The following DOCK2 variants were observed in gnomAD, a reference collection of about 807,000 sequenced individuals.
DOCK2 encodes dedicator of cytokinesis protein 2.
In DOCK2, 87 loss-of-function variants were observed where a neutral mutation model predicts 248.9. The observed-to-expected ratio is 0.35, with a 90% CI of 0.29 to 0.42. The LOEUF is 0.42. Ranked by LOEUF, DOCK2 falls within the 10% of genes least tolerant of loss-of-function variation. The pLI is 1.00. For missense variants in DOCK2, 1,747 were observed against 2,300.2 expected, an observed-to-expected ratio of 0.76 and a Z score of 4.92; for synonymous variants, 805 against 821.6, an observed-to-expected ratio of 0.98 and a Z score of 0.35.
In DOCK2 at chr5:169,939,803, T is replaced by TA. The variant is rs78337958; in HGVS notation, c.2800-43258dup. 7.9e-3 allele frequency among the ~76,000 whole-genome samples: 1,210 copies of TA among 152,222 alleles called. 59 individuals are homozygous for TA. The East Asian group carries it at 0.13, about 17-fold the overall frequency. ...AGGTCCCTAAAAAATATAAGAAAGG[T>TA]AAAAAAAGTCAACCTAGAGTTAGCT... On this transcript the variant is annotated intron_variant, in intron 27 of 51. Transcript: ENST00000520908.
At chr5:169,795,441 A>T (rs1766588722) in intron 25 of DOCK2, among the ~76,000 whole-genome samples, 1 of 152,126 alleles carries the variant, frequency 6.6e-6, no homozygotes, top group Non-Finnish European at 1.5e-5. Context: ...GCTGCAGGTG[A>T]TGATTCTGGG....
chr5:169,939,966 A>G (rs959213499), intron 27 of DOCK2, among the ~76,000 whole-genome samples: 1 of 152,216 alleles, frequency 6.6e-6, no homozygotes, highest in Non-Finnish European at 1.5e-5. Flanking sequence ...GCTTAAGGAT[A>G]GTTGGCTATG....
chr5:170,031,042 C>T (rs1216021035), intron 34 of DOCK2, among the ~76,000 whole-genome samples: 1 of 152,238 alleles, frequency 6.6e-6, no homozygotes, highest in Admixed American at 6.5e-5. Context: ...TCCAGTTCTC[C>T]CTACCCTCAG....
At chr5:169,830,668 A>G (rs781778002) in intron 26 of DOCK2, among the ~76,000 whole-genome samples, 1 of 152,236 alleles carries the variant, frequency 6.6e-6, no homozygotes, top group Non-Finnish European at 1.5e-5. Context: ...AGGTTTCACT[A>G]CATTTTAATA....
intron 34 of DOCK2, among the ~76,000 whole-genome samples, chr5:170,029,436 C>T (rs955316226): frequency 6.6e-6 from 1 of 152,176 alleles, no homozygotes; most frequent in Non-Finnish European, 1.5e-5. Context: ...CTGGCTCTAC[C>T]ACTTAGCAGC....
rs147899895 is a variant in DOCK2, at chr5:169,795,173, A to G, written c.2555-7885A>G. Among the ~76,000 whole-genome samples, 26 of 152,258 alleles carry G rather than the reference A, an allele frequency of 1.7e-4. No individual in the cohort carries two copies. The East Asian group carries it at 5.0e-3, about 29-fold the overall frequency. ...AAATCACTTTTTACGTTCAATATAA[A>G]GGATATATGGTAAAAGCAAGAGCTT... On this transcript the variant is annotated intron_variant, in intron 25 of 51. Transcript: ENST00000520908.
At position 169,825,156 on chromosome 5, in the gene DOCK2, T is replaced by A. The variant is rs189548982; in HGVS notation, c.2704-15601T>A. ...GGAGGATGTGGAGAAATAGGAACAC[T>A]TTTACACTGTTGGTGGGACTGTAAA... On this transcript the variant is annotated intron_variant, in intron 26 of 51. Coordinates refer to ENST00000520908, the MANE Select transcript of DOCK2 (RefSeq NM_004946.3). Among the ~76,000 whole-genome samples, 5 of 152,280 alleles carry A rather than the reference T, an allele frequency of 3.3e-5. No homozygotes were observed. In the East Asian group the frequency reaches 9.7e-4, roughly 29 times the overall value.
chr5:169,641,443 A>G (rs549656339), intron 1 of DOCK2, among the ~76,000 whole-genome samples: 2 of 152,342 alleles, frequency 1.3e-5, no homozygotes, highest in African/African-American at 4.8e-5. Context: ...GCACACTGAC[A>G]GATTTGGCGT....
chr5:169,769,563 G>A (rs765061532), intron 25 of DOCK2, among the ~76,000 whole-genome samples: 11 of 152,202 alleles, frequency 7.2e-5, no homozygotes, highest in Non-Finnish European at 1.0e-4. Flanking sequence ...GCAAAACAAC[G>A]CATCTAACCT....
intron 23 of DOCK2, among the ~76,000 whole-genome samples, chr5:169,753,295 G>A (rs1189325810): frequency 1.3e-5 from 2 of 152,050 alleles, no homozygotes; most frequent in Admixed American, 6.5e-5. Flanking sequence ...CTATCAACCT[G>A]TCATCTAGGT....
At chr5:169,665,490 G>A (rs927303997) in intron 2 of DOCK2, among the ~76,000 whole-genome samples, 1 of 151,712 alleles carries the variant, frequency 6.6e-6, no homozygotes, top group Non-Finnish European at 1.5e-5. Context: ...ACATATGTAT[G>A]TGCTTGCTTC....
intron 10 of DOCK2, among the ~76,000 whole-genome samples, chr5:169,697,957 A>C (rs1258827386): frequency 1.3e-5 from 2 of 152,210 alleles, no homozygotes; most frequent in Non-Finnish European, 2.9e-5. Context: ...TTATGAAAAG[A>C]GGGTGGATAT....
chr5:169,699,239 G>A, intron 11 of DOCK2, 143 bp from the exon 12 acceptor site: 1 of 574,176 alleles, frequency 1.7e-6, no homozygotes, highest in Non-Finnish European at 2.9e-6. Flanking sequence ...GGTACCTCTT[G>A]ATGGCATGTA....
In DOCK2 at chr5:169,972,542, CAGATAGATAGATAGAT is replaced by C. The variant is rs143089504; in HGVS notation, c.2800-10497_2800-10482del. Among the ~76,000 whole-genome samples the C allele has an allele frequency of 3.7e-3, 521 of 141,408 alleles. 12 individuals are homozygous for C. In the East Asian group the frequency reaches 0.072, roughly 20 times the overall value. 92.8% of individuals were successfully genotyped at this position (141,408 alleles called of 152,430 possible). On this transcript the variant is annotated intron_variant, in intron 27 of 51. Transcript: ENST00000520908. ...GCCCCAGTTAAGAGCCACTGTGAGA[CAGATAGATAGATAGAT>C]AGATAGATAGATAGATAGATAGATA...
At chr5:169,672,550 G>A (rs1328755070) in intron 5 of DOCK2, among the ~76,000 whole-genome samples, 1 of 152,148 alleles carries the variant, frequency 6.6e-6, no homozygotes, top group African/African-American at 2.4e-5. Context: ...GAATGAGATA[G>A]CATGCTGCAT....
chr5:169,919,276 A>G (rs1413464340), intron 27 of DOCK2, among the ~76,000 whole-genome samples: 1 of 152,192 alleles, frequency 6.6e-6, no homozygotes, highest in Non-Finnish European at 1.5e-5. Flanking sequence ...GTGGGGCCCA[A>G]ATGAGTCTCC....
intron 44 of DOCK2, 127 bp from the exon 45 acceptor site, chr5:170,067,383 G>C: frequency 2.2e-6 from 2 of 921,304 alleles, no homozygotes; most frequent in South Asian, 1.8e-5. Context: ...ACAAGATCCT[G>C]TTACAGCCCC....
chr5:170,040,872 C>T, intron 36 of DOCK2, 183 bp from the exon 37 acceptor site: 1 of 536,190 alleles, frequency 1.9e-6, no homozygotes. Context: ...ACCTGTCATG[C>T]ACTAAGTAAC....
chr5:169,865,040 T>G (rs968755268), intron 27 of DOCK2, among the ~76,000 whole-genome samples: 4 of 152,220 alleles, frequency 2.6e-5, no homozygotes, highest in Admixed American at 1.3e-4. Flanking sequence ...TACCAATATA[T>G]TACGTCTTGC....
Sources: gnomAD v4.1 joint callset for allele counts (sites outside exome capture counted in the v4.1 genomes callset) on GRCh38, gnomAD v4.1.1 for gene constraint, MANE v1.5 for transcripts, NCBI Gene and HGNC (gene_info 2026-07-23, HGNC 2026-07-21) for gene names.